Variants in PRKN observed in about 807,000 individuals in gnomAD.
The protein encoded by PRKN is E3 ubiquitin-protein ligase parkin.
Under a neutral mutation model 59.5 loss-of-function variants are expected in PRKN, and 56 were observed. That is an observed-to-expected ratio of 0.94 (90% CI 0.76 to 1.18). The LOEUF is 1.18. Ranked by LOEUF, PRKN falls within the 50% of genes most tolerant of loss-of-function variation. The probability of loss-of-function intolerance (pLI) is 0.00; values close to 1 mark genes in which losing one functional copy is unlikely to be tolerated. For synonymous variants in PRKN, 250 were observed against 222.1 expected (o/e 1.13, Z -1.12); for missense variants, 657 against 596.4 (o/e 1.10, Z -1.06).
At chr6:161,695,862 A>G (rs1458048238) in intron 7 of PRKN, among the ~76,000 whole-genome samples, 1 of 152,028 alleles carries the variant, frequency 6.6e-6, no homozygotes, top group Non-Finnish European at 1.5e-5. Context: ...AAATAGGAAG[A>G]GTGAGCTTAG....
At chr6:162,497,065 G>A (rs2128186692) in intron 1 of PRKN, among the ~76,000 whole-genome samples, 1 of 152,236 alleles carries the variant, frequency 6.6e-6, no homozygotes. Context: ...ATGTTGTAAT[G>A]GCTAATTGTA....
At chr6:162,290,755 T>C (rs1307854293) in intron 2 of PRKN, among the ~76,000 whole-genome samples, 1 of 152,212 alleles carries the variant, frequency 6.6e-6, no homozygotes, top group African/African-American at 2.4e-5. Flanking sequence ...TTTCCAGTTC[T>C]GCCCTAACAG....
Position 161,351,154 on chromosome 6 carries a change from T to A in PRKN, c.1286-943A>T, listed in dbSNP as rs1362057296. ...TATATATTTATATTTAAAATATATA[T>A]AAATATATTTATATTTAAATATATT... On this transcript the variant is annotated intron_variant, in intron 11 of 11. Transcript: ENST00000366898. Among the ~76,000 whole-genome samples the A allele has an allele frequency of 3.8e-5, 5 of 132,640 alleles. No homozygotes were observed. The South Asian group carries it at 6.5e-4, about 17-fold the overall frequency. 87.0% of individuals were successfully genotyped at this position (132,640 alleles called of 152,430 possible).
intron 9 of PRKN, among the ~76,000 whole-genome samples, chr6:161,542,877 T>C (rs1477982877): frequency 6.6e-6 from 1 of 152,222 alleles, no homozygotes; most frequent in African/African-American, 2.4e-5. Flanking sequence ...ATTTGGAGAC[T>C]AGATTTTAAT....
At chr6:161,665,555 G>A (rs752509259) in intron 7 of PRKN, among the ~76,000 whole-genome samples, 23 of 152,160 alleles carry the variant, frequency 1.5e-4, no homozygotes, top group East Asian at 3.9e-4. Flanking sequence ...GCTCCATGCC[G>A]GAAATTTAGA....
At chr6:162,411,520 T>C (rs1788353942) in intron 2 of PRKN, among the ~76,000 whole-genome samples, 1 of 152,194 alleles carries the variant, frequency 6.6e-6, no homozygotes, top group African/African-American at 2.4e-5. Context: ...GTGCAATGTG[T>C]GTGATAAATT....
intron 7 of PRKN, among the ~76,000 whole-genome samples, chr6:161,573,743 A>T (rs3929678): frequency 0.027 from 843 of 30,992 alleles, 27 homozygotes; most frequent in Middle Eastern, 0.033. Context: ...AAAAAAAAAA[A>T]AAAAAAAAAA....
chr6:162,235,696 G>A (rs779167289), intron 3 of PRKN, among the ~76,000 whole-genome samples: 11 of 151,728 alleles, frequency 7.2e-5, no homozygotes, highest in Non-Finnish European at 1.0e-4. Flanking sequence ...CCAGCTACTC[G>A]GAAGGCTGAG....
rs1354638440 is a variant in PRKN, at chr6:161,746,644, A to ATATATCTATATAGATATATATG, written c.871+39106_871+39127dup. Among the ~76,000 whole-genome samples, 832 of 146,424 alleles carry ATATATCTATATAGATATATATG rather than the reference A, an allele frequency of 5.7e-3. 4 individuals carry two copies. Among genetic ancestry groups the ATATATCTATATAGATATATATG allele is most frequent in the African/African-American group, 0.02 (790 of 40,082 alleles). The stretch of plus-strand genomic sequence containing the variant: ...TATATACACATATATGTATATATGT[A>ATATATCTATATAGATATATATG]TATATCTATATAGATATATATGTAT... On this transcript the variant is annotated intron_variant, in intron 7 of 11. Transcript: ENST00000366898.
rs539098688 is a variant in PRKN, at chr6:162,009,039, G to C, written c.619-35622C>G. Among the ~76,000 whole-genome samples the C allele has an allele frequency of 2.0e-5, 3 of 151,978 alleles. No individual in the cohort carries two copies. The South Asian group carries it at 6.2e-4, about 32-fold the overall frequency. On this transcript the variant is annotated intron_variant, in intron 5 of 11. Coordinates refer to ENST00000366898, the MANE Select transcript of PRKN (RefSeq NM_004562.3). ...GGAGGCTGAGGCGGGCGGATCACGAGGTCAGGAGTTCAAGACCATCCTGGC... is the reference window on the plus strand; with the variant it reads ...GGAGGCTGAGGCGGGCGGATCACGACGTCAGGAGTTCAAGACCATCCTGGC...
At chr6:162,545,339 C>T (rs1779078227) in intron 1 of PRKN, among the ~76,000 whole-genome samples, 1 of 151,982 alleles carries the variant, frequency 6.6e-6, no homozygotes, top group African/African-American at 2.4e-5. Context: ...CCTGGTATTC[C>T]ATCCAGTATC....
intron 7 of PRKN, among the ~76,000 whole-genome samples, chr6:161,724,157 T>C (rs1787344324): frequency 6.6e-6 from 1 of 152,182 alleles, no homozygotes; most frequent in African/African-American, 2.4e-5. Flanking sequence ...GACGGGCACA[T>C]GGAATAAGAG....
At position 162,262,782 on chromosome 6, in the gene PRKN, TA is replaced by T. The variant is rs751742289; in HGVS notation, c.172-18del. The T allele has an allele frequency of 0.2, 261,603 of 1,307,314 alleles. 41 individuals are homozygous for T. The highest frequency in any genetic ancestry group is 0.21 in the Non-Finnish European group (213,122 of 1,012,098). The allele number at this position is 1,307,314 out of a possible 1,614,324, so 81.0% of individuals were successfully genotyped here. On this transcript the variant is annotated intron_variant, in intron 2 of 11. Transcript: ENST00000366898. ...GTCACAATTCTGTTTGGGAGCAAGG[TA>T]AAAAAAAAAAAAAAAAAAAAGGAAA...
chr6:161,979,182 GCC>G (rs1447284272), intron 5 of PRKN, among the ~76,000 whole-genome samples: 1 of 151,606 alleles, frequency 6.6e-6, no homozygotes, highest in Non-Finnish European at 1.5e-5. Context: ...CCAAATGATA[GCC>G]TAAATGATTT....
At chr6:162,220,697 C>T (rs1029304674) in intron 3 of PRKN, among the ~76,000 whole-genome samples, 6 of 152,140 alleles carry the variant, frequency 3.9e-5, no homozygotes, top group Admixed American at 3.9e-4. Flanking sequence ...GGTCAGGAAA[C>T]GGAACTCCAC....
intron 1 of PRKN, among the ~76,000 whole-genome samples, chr6:162,533,991 G>T (rs1180092989): frequency 7.1e-6 from 1 of 140,932 alleles, no homozygotes; most frequent in Non-Finnish European, 1.6e-5. Flanking sequence ...AAAAAAAAGA[G>T]ATATGAAGGA....
At chr6:162,608,079 G>GT (rs148922913) in intron 1 of PRKN, among the ~76,000 whole-genome samples, 102 of 152,300 alleles carry the variant, frequency 6.7e-4, no homozygotes, top group African/African-American at 2.2e-3. Context: ...CAAGTTTTGT[G>GT]TTTTTACAGA....
chr6:162,589,392 A>T (rs1205214350), intron 1 of PRKN, among the ~76,000 whole-genome samples: 1 of 152,060 alleles, frequency 6.6e-6, no homozygotes, highest in African/African-American at 2.4e-5. Context: ...CCATAAACAG[A>T]TATATTCGTA....
At chr6:162,404,928 G>T (rs367627050) in intron 2 of PRKN, among the ~76,000 whole-genome samples, 1 of 152,086 alleles carries the variant, frequency 6.6e-6, no homozygotes, top group Admixed American at 6.6e-5. Flanking sequence ...AGAATCCAAC[G>T]CTTGCCTTCC....
Sources: gnomAD v4.1 joint callset for allele counts (sites outside exome capture counted in the v4.1 genomes callset) on GRCh38, gnomAD v4.1.1 for gene constraint, MANE v1.5 for transcripts, NCBI Gene and HGNC (gene_info 2026-07-23, HGNC 2026-07-21) for gene names.